Variants in BTBD8 observed in about 807,000 individuals in gnomAD.
BTBD8 encodes BTB/POZ domain-containing protein 8.
In BTBD8, 110 loss-of-function variants were observed where a neutral mutation model predicts 162.9. The ratio of observed to expected loss-of-function variants is 0.68; its 90% CI spans 0.58 to 0.79. The LOEUF (loss-of-function observed/expected upper bound fraction) is 0.79, where lower values mean the gene tolerates loss of function less well. Among genes scored for constraint, BTBD8 ranks in the 30% least tolerant of loss-of-function variants. The pLI, the probability that BTBD8 is intolerant of heterozygous loss-of-function variation, is 0.00. For missense variants in BTBD8, 1,905 were observed against 2,085.4 expected, an observed-to-expected ratio of 0.91 and a Z score of 1.68; for synonymous variants, 667 against 716.1, an observed-to-expected ratio of 0.93 and a Z score of 1.10.
Position 92,181,092 on chromosome 1 carries a change from T to A in BTBD8, c.3409T>A (p.Ser1137Thr), listed in dbSNP as rs775250670. 41 of 1,551,462 alleles carry A rather than the reference T, an allele frequency of 2.6e-5. 1 individual carries two copies. The highest frequency in any genetic ancestry group is 3.6e-5 in the Non-Finnish European group (41 of 1,146,938). Residue 1137 changes from serine to threonine, a missense_variant, in exon 17 of 18, where the codon TCA becomes ACA. Ser to Thr is a moderately conservative substitution (Grantham distance 58). Transcript: ENST00000636805. Reference sequence around the variant, plus strand: ...AGGGAGAAAAGATACAAACAAACAATCAAGTATTAAATGTGTGGAAGATGT... The same window carrying A: ...AGGGAGAAAAGATACAAACAAACAAACAAGTATTAAATGTGTGGAAGATGT... Reference protein sequence around the residue: ...QVGRKDTNKQSSIKCVEDVSL... With the variant: ...QVGRKDTNKQTSIKCVEDVSL...
intron 9 of BTBD8, among the ~76,000 whole-genome samples, chr1:92,165,165 G>A (rs80182578): frequency 1.3e-5 from 2 of 151,176 alleles, no homozygotes; most frequent in Non-Finnish European, 2.9e-5. Context: ...AAAATTTTTA[G>A]TTTTGAAGTT....
At chr1:92,182,666 C>A in intron 17 of BTBD8, 71 bp downstream of exon 17, 2 of 913,602 alleles carry the variant, frequency 2.2e-6, no homozygotes, top group Non-Finnish European at 3.1e-6. Flanking sequence ...TTGTATGAAG[C>A]CCTGAATGTT....
At chr1:92,094,295 C>A (rs1265604944) in intron 2 of BTBD8, among the ~76,000 whole-genome samples, 1 of 152,152 alleles carries the variant, frequency 6.6e-6, no homozygotes, top group Non-Finnish European at 1.5e-5. Flanking sequence ...TAGTGTCTTG[C>A]ATATAGAAAG....
In BTBD8 at chr1:92,176,152, T is replaced by C. The variant is rs149278374; in HGVS notation, c.1636-677T>C. On this transcript the variant is annotated intron_variant, in intron 13 of 17. Coordinates refer to ENST00000636805, the MANE Select transcript of BTBD8 (RefSeq NM_001376131.1). The stretch of plus-strand genomic sequence containing the variant: ...ATAAGGACTCCAAGAAGTAAAGGAT[T>C]CTTCCCACAGAGGATTAAGTCTTTA... Among the ~76,000 whole-genome samples, 56 of 152,318 alleles carry C rather than the reference T, an allele frequency of 3.7e-4. 2 individuals are homozygous for C. The highest frequency in any genetic ancestry group is 1.3e-3 in the African/African-American group (53 of 41,574).
chr1:92,166,712 A>T (rs1163784661), intron 9 of BTBD8, among the ~76,000 whole-genome samples: 1 of 152,116 alleles, frequency 6.6e-6, no homozygotes, highest in Non-Finnish European at 1.5e-5. Flanking sequence ...GGAATGAGCC[A>T]CTGTACCCCA....
In BTBD8 at chr1:92,107,973, GT is replaced by G; in HGVS notation, c.636del (p.Asp213MetfsTer12). On this transcript the variant is annotated frameshift_variant, in exon 4 of 18. Coordinates refer to ENST00000636805, the MANE Select transcript of BTBD8 (RefSeq NM_001376131.1). LOFTEE classifies it high-confidence loss of function. ...TTGTTGCCCAGATATTGATATTTTTGTTGATGGAAAACGTTTTAAAGCTCAC... is the reference window on the plus strand; with the variant it reads ...TTGTTGCCCAGATATTGATATTTTTGTGATGGAAAACGTTTTAAAGCTCAC... ...KPCCPDIDIF[V>X]DGKRFKAHRA... 1.2e-6 allele frequency: 2 copies of G among 1,613,836 alleles called. No homozygotes were observed. The highest frequency in any genetic ancestry group is 1.7e-6 in the Non-Finnish European group (2 of 1,179,848).
rs185176258 is a variant in BTBD8, at chr1:92,183,893, C to T, written c.4942C>T (p.Gln1648Ter). ...GDIDDCDTLA[Q>*]TRMYDHRPSK... is the part of the protein sequence containing the mutation. ...CATAGATGATTGTGACACACTGGCA[C>T]AAACCCGCATGTATGACCATCGGCC... The change falls in exon 18 of 18, where the codon CAA becomes TAA. Residue 1648 changes from glutamine to a stop codon, truncating the protein, a stop_gained. Coordinates refer to ENST00000636805, the MANE Select transcript of BTBD8 (RefSeq NM_001376131.1). LOFTEE classifies it high-confidence loss of function. The T allele has an allele frequency of 6.5e-7, 1 of 1,550,200 alleles. No homozygotes were observed. Among genetic ancestry groups the T allele is most frequent in the Non-Finnish European group, 8.7e-7 (1 of 1,146,556 alleles).
chr1:92,155,222 A>C, intron 9 of BTBD8, among the ~76,000 whole-genome samples: 1 of 152,166 alleles, frequency 6.6e-6, no homozygotes, highest in African/African-American at 2.4e-5. Flanking sequence ...TCTTAAGATT[A>C]ATTTGGCTAT....
At chr1:92,149,323 T>G (rs1300708851) in intron 9 of BTBD8, among the ~76,000 whole-genome samples, 2 of 152,170 alleles carry the variant, frequency 1.3e-5, no homozygotes, top group African/African-American at 2.4e-5. Context: ...TGAATCAGAT[T>G]GAAGAATGAA....
In BTBD8 at chr1:92,080,603, C is replaced by G. The variant is rs1266889236; in HGVS notation, c.32C>G (p.Pro11Arg). The G allele has an allele frequency of 1.2e-6, 2 of 1,614,006 alleles. No homozygotes were observed. The highest frequency in any genetic ancestry group is 1.7e-5 in the Admixed American group (1 of 60,018). ...CGCTGTGGGGAAGGCAGTGCGGCCC[C>G]CATGGTACTTCTGGGGTCCGCTGGA... is the stretch of plus-strand genomic sequence containing the variant. MARCGEGSAA[P>R]MVLLGSAGVC... Residue 11 changes from proline (P) to arginine (R), a missense_variant, in exon 1 of 18, where the codon CCC becomes CGC. By Grantham distance (103) the Pro-to-Arg change is moderately radical (BLOSUM62 -2). Transcript: ENST00000636805.
At position 92,183,881 on chromosome 1, in the gene BTBD8, G is replaced by A; in HGVS notation, c.4930G>A (p.Asp1644Asn). The change falls in exon 18 of 18, where the codon GAC (aspartate) becomes AAC (asparagine). Residue 1644 changes from aspartate to asparagine, a missense_variant. Asp to Asn is a conservative substitution (Grantham distance 23). Transcript: ENST00000636805. ...TATTTCAGGAGACATAGATGATTGT[G>A]ACACACTGGCACAAACCCGCATGTA... ...ALSAGDIDDC[D>N]TLAQTRMYDH... 6.5e-7 allele frequency: 1 copy of A among 1,548,178 alleles called. No homozygotes were observed. The highest frequency in any genetic ancestry group is 8.7e-7 in the Non-Finnish European group (1 of 1,145,684).
At chr1:92,166,831 C>A in intron 9 of BTBD8, 127 bp from the exon 10 acceptor site, 1 of 850,462 alleles carries the variant, frequency 1.2e-6, no homozygotes, top group South Asian at 2.1e-5. Flanking sequence ...ATAACAAAGA[C>A]ATTAGCTACC....
chr1:92,129,319 C>G (rs1649449089), intron 4 of BTBD8, among the ~76,000 whole-genome samples: 1 of 151,928 alleles, frequency 6.6e-6, no homozygotes, highest in South Asian at 2.1e-4. Context: ...CCCATTTCTA[C>G]AAAAAATTTA....
At chr1:92,092,026 A>C (rs1450612816) in intron 2 of BTBD8, among the ~76,000 whole-genome samples, 1 of 152,092 alleles carries the variant, frequency 6.6e-6, no homozygotes, top group African/African-American at 2.4e-5. Context: ...TCAGTGTGAT[A>C]GTAGGTGGAG....
intron 3 of BTBD8, among the ~76,000 whole-genome samples, chr1:92,107,375 C>A (rs1044230141): frequency 2.6e-5 from 4 of 152,132 alleles, no homozygotes; most frequent in Admixed American, 6.6e-5. Flanking sequence ...ACATATATGA[C>A]AAAGGTTTCA....
At chr1:92,086,800 A>G (rs1648173510) in intron 1 of BTBD8, among the ~76,000 whole-genome samples, 1 of 152,124 alleles carries the variant, frequency 6.6e-6, no homozygotes, top group African/African-American at 2.4e-5. Context: ...TCTACATGTG[A>G]TGACTTAGCA....
rs912056572 is a variant in BTBD8, at chr1:92,181,108, T to C, written c.3425T>C (p.Val1142Ala). Residue 1142 changes from valine to alanine, a missense_variant, in exon 17 of 18, where the codon GTG becomes GCG. By Grantham distance (64) the Val-to-Ala change is moderately conservative. Around this residue, in one of 3 missense-constraint regions of BTBD8, gnomAD observed 1,374 missense variants for 1,442.7 expected, o/e 0.95. Coordinates refer to ENST00000636805, the MANE Select transcript of BTBD8 (RefSeq NM_001376131.1). Reference protein sequence around the residue: ...DTNKQSSIKCVEDVSLCNPER... With the variant: ...DTNKQSSIKCAEDVSLCNPER... Reference sequence around the variant, plus strand: ...AACAAACAATCAAGTATTAAATGTGTGGAAGATGTTTCACTGTGTAATCCT... The same window carrying C: ...AACAAACAATCAAGTATTAAATGTGCGGAAGATGTTTCACTGTGTAATCCT... The C allele has an allele frequency of 2.6e-6, 4 of 1,551,468 alleles. No homozygotes were observed. The African/African-American group carries it at 5.5e-5, about 21-fold the overall frequency.
At chr1:92,155,666 A>G (rs1464095860) in intron 9 of BTBD8, among the ~76,000 whole-genome samples, 1 of 152,058 alleles carries the variant, frequency 6.6e-6, no homozygotes, top group Non-Finnish European at 1.5e-5. Context: ...ACCTTCTTAG[A>G]TAAGTTTATT....
At chr1:92,178,817 G>T (rs1321701857) in intron 16 of BTBD8, among the ~76,000 whole-genome samples, 1 of 152,110 alleles carries the variant, frequency 6.6e-6, no homozygotes, top group Admixed American at 6.5e-5. Flanking sequence ...TCTTTTGTGA[G>T]AGAAATAATT....
Sources: gnomAD v4.1 joint callset for allele counts (sites outside exome capture counted in the v4.1 genomes callset) on GRCh38, gnomAD v4.1.1 for gene constraint, gnomAD v4.1.1 regional missense constraint, MANE v1.5 for transcripts, NCBI Gene and HGNC (gene_info 2026-07-23, HGNC 2026-07-21) for gene names.